The following TRIM37 variants were observed in gnomAD, a reference collection of about 807,000 sequenced individuals.
TRIM37 encodes E3 ubiquitin-protein ligase TRIM37.
A neutral mutation model predicts 129.8 loss-of-function variants in TRIM37; 80 were observed. The ratio of observed to expected loss-of-function variants is 0.62; its 90% CI spans 0.51 to 0.74. The LOEUF is 0.74. Among genes scored for constraint, TRIM37 ranks in the 30% least tolerant of loss-of-function variants. The pLI, the probability that TRIM37 is intolerant of heterozygous loss-of-function variation, is 0.00. For synonymous variants in TRIM37, 389 were observed against 387.1 expected, an observed-to-expected ratio of 1.00 and a Z score of -0.06; for missense variants, 1,054 against 1,176.5, an observed-to-expected ratio of 0.90 and a Z score of 1.52.
chr17:59,076,482 A>G (rs1376745238), intron 7 of TRIM37, among the ~76,000 whole-genome samples: 1 of 152,208 alleles, frequency 6.6e-6, no homozygotes, highest in Non-Finnish European at 1.5e-5. Flanking sequence ...TCAAGGCTGC[A>G]TGCAGTCATG....
intron 4 of TRIM37, among the ~76,000 whole-genome samples, chr17:59,087,462 T>C (rs1164942666): frequency 6.6e-6 from 1 of 150,918 alleles, no homozygotes; most frequent in African/African-American, 2.4e-5. Flanking sequence ...CTCTTTCTTT[T>C]TTTTTTTTTT....
At chr17:59,087,261 A>G (rs1384180545) in intron 4 of TRIM37, among the ~76,000 whole-genome samples, 1 of 151,310 alleles carries the variant, frequency 6.6e-6, no homozygotes, top group Non-Finnish European at 1.5e-5. Context: ...ACGCCCAGCT[A>G]ATTTTTGTAT....
Position 59,049,120 on chromosome 17 carries a change from T to C in TRIM37, c.1530+58A>G, listed in dbSNP as rs140031666. 36 of 1,395,706 alleles carry C rather than the reference T, an allele frequency of 2.6e-5. No individual in the cohort carries two copies. In the East Asian group the frequency reaches 6.2e-4, roughly 24 times the overall value. The allele number at this position is 1,395,706 out of a possible 1,614,324, so 86.5% of individuals were successfully genotyped here. The stretch of plus-strand genomic sequence containing the variant: ...TTAGCACATAATATGTTAAAAGCCA[T>C]GATGCTACTGTTTTTTTTTAATCAA... On this transcript the variant is annotated intron_variant, in intron 15 of 23. Coordinates refer to ENST00000262294, the MANE Select transcript of TRIM37 (RefSeq NM_015294.6).
rs565556850 is a variant in TRIM37, at chr17:59,067,747, A to G, written c.809+3076T>C. 2.8e-5 allele frequency among the ~76,000 whole-genome samples: 4 copies of G among 144,248 alleles called. No homozygotes were observed. The East Asian group carries it at 7.7e-4, about 28-fold the overall frequency. The allele number at this position is 144,248 out of a possible 152,430, so 94.6% of individuals were successfully genotyped here. On this transcript the variant is annotated intron_variant, in intron 9 of 23. Transcript: ENST00000262294. ...GATGGGGTTTCTCCATGTTGGTCAG[A>G]CTGCTCTGGAACTCCTGACTTCAGG...
intron 9 of TRIM37, among the ~76,000 whole-genome samples, chr17:59,069,095 C>A (rs111361863): frequency 6.6e-6 from 1 of 152,054 alleles, no homozygotes; most frequent in Non-Finnish European, 1.5e-5. Context: ...ACCTATAATC[C>A]CAGCACTTTG....
At chr17:59,063,833 C>G (rs994903503) in intron 10 of TRIM37, among the ~76,000 whole-genome samples, 12 of 152,180 alleles carry the variant, frequency 7.9e-5, no homozygotes, top group African/African-American at 2.9e-4. Flanking sequence ...TTAGTCAAAG[C>G]TAAGTGATCT....
intron 18 of TRIM37, among the ~76,000 whole-genome samples, chr17:59,030,082 C>A (rs755538825): frequency 2.6e-5 from 4 of 152,138 alleles, no homozygotes; most frequent in Non-Finnish European, 5.9e-5. Flanking sequence ...TCCAGTATCA[C>A]CTCCAGAAAA....
At chr17:59,092,197 A>T (rs570868373) in intron 2 of TRIM37, among the ~76,000 whole-genome samples, 2 of 152,250 alleles carry the variant, frequency 1.3e-5, no homozygotes, top group East Asian at 3.9e-4. Context: ...GATGGAGACC[A>T]GCCTGGCCAA....
Position 58,999,344 on chromosome 17 carries a change from G to A in TRIM37, c.*33C>T, listed in dbSNP as rs760690304. 1.2e-6 allele frequency: 2 copies of A among 1,613,660 alleles called. No individual in the cohort carries two copies. Among genetic ancestry groups the A allele is most frequent in the Non-Finnish European group, 1.7e-6 (2 of 1,179,772 alleles). ...AACTACAGCAAAATTCAGGGTCAAGGTAGCTTGCAAGTCAGTTCTCTTGAT... is the reference window on the plus strand; with the variant it reads ...AACTACAGCAAAATTCAGGGTCAAGATAGCTTGCAAGTCAGTTCTCTTGAT... On this transcript the variant is annotated 3_prime_UTR_variant, in exon 24 of 24. Transcript: ENST00000262294.
Position 59,081,297 on chromosome 17 carries a change from C to T in TRIM37, c.370-78G>A, listed in dbSNP as rs536198475. On this transcript the variant is annotated intron_variant, in intron 5 of 23. Transcript: ENST00000262294. ...ACATTCCTTTGTAACACTCTATGGACACTAATAAACTGGTAAATCTCTCAA... is the reference window on the plus strand; with the variant it reads ...ACATTCCTTTGTAACACTCTATGGATACTAATAAACTGGTAAATCTCTCAA... 562 of 1,563,424 alleles carry T rather than the reference C, an allele frequency of 3.6e-4. 9 individuals carry two copies. In the South Asian group the frequency reaches 6.0e-3, roughly 17 times the overall value.
At chr17:59,031,169 T>C (rs2037802691) in intron 18 of TRIM37, among the ~76,000 whole-genome samples, 1 of 152,196 alleles carries the variant, frequency 6.6e-6, no homozygotes, top group Non-Finnish European at 1.5e-5. Context: ...ATGAGTTATC[T>C]TGCCTTAAAA....
intron 11 of TRIM37, 112 bp downstream of exon 11, chr17:59,062,455 A>G: frequency 1.2e-6 from 1 of 850,978 alleles, no homozygotes; most frequent in Non-Finnish European, 1.9e-6. Flanking sequence ...CGGACAGCAT[A>G]TGTAACAAAA....
At chr17:59,048,847 T>C (rs1336323922) in intron 15 of TRIM37, among the ~76,000 whole-genome samples, 1 of 152,242 alleles carries the variant, frequency 6.6e-6, no homozygotes, top group Non-Finnish European at 1.5e-5. Flanking sequence ...TCCACCCACC[T>C]TGGCCTCCCA....
chr17:59,062,516 C>A (rs2082635226), intron 11 of TRIM37, 51 bp downstream of exon 11: 1 of 1,471,938 alleles, frequency 6.8e-7, no homozygotes, highest in Admixed American at 1.7e-5. Flanking sequence ...CTACAGAACT[C>A]TGAAAGAAAG....
chr17:59,016,950 C>T (rs1311676984), intron 20 of TRIM37, among the ~76,000 whole-genome samples: 2 of 151,852 alleles, frequency 1.3e-5, no homozygotes, highest in Non-Finnish European at 2.9e-5. Flanking sequence ...TTGAGGCAGG[C>T]GGATTGCTTG....
intron 8 of TRIM37, among the ~76,000 whole-genome samples, chr17:59,072,751 A>G (rs1023661622): frequency 6.6e-6 from 1 of 151,822 alleles, no homozygotes; most frequent in Non-Finnish European, 1.5e-5. Context: ...CTGTCTCAAA[A>G]AAAAAAAAAA....
chr17:59,068,997 T>C (rs1477466188), intron 9 of TRIM37, among the ~76,000 whole-genome samples: 1 of 152,184 alleles, frequency 6.6e-6, no homozygotes, highest in Non-Finnish European at 1.5e-5. Flanking sequence ...ATTATTCTGC[T>C]TAAAATGTCA....
chr17:59,025,058 T>C (rs771985062), intron 19 of TRIM37, among the ~76,000 whole-genome samples: 3 of 152,196 alleles, frequency 2.0e-5, no homozygotes, highest in Admixed American at 6.5e-5. Flanking sequence ...TGTCCAAAAC[T>C]TGAGTACTGG....
At chr17:59,106,097 G>C (rs1483785257) in intron 1 of TRIM37, among the ~76,000 whole-genome samples, 1 of 152,190 alleles carries the variant, frequency 6.6e-6, no homozygotes, top group African/African-American at 2.4e-5. Context: ...TCAAGAACTC[G>C]CAAGGACTGG....
Sources: allele counts gnomAD v4.1 joint callset (sites outside exome capture counted in the v4.1 genomes callset), GRCh38; gene constraint gnomAD v4.1.1; transcripts MANE v1.5; gene names NCBI Gene and HGNC (gene_info 2026-07-23, HGNC 2026-07-21).